The following WWC2 variants were observed in gnomAD, a reference collection of about 807,000 sequenced individuals.
WWC2 encodes the protein WW and C2 domain containing 2, also known as protein WWC2.
In WWC2, 101 loss-of-function variants were observed where a neutral mutation model predicts 138.5. That is an observed-to-expected ratio of 0.73 (90% CI 0.62 to 0.86). The LOEUF is 0.86. Among genes scored for constraint, WWC2 ranks in the 40% least tolerant of loss-of-function variants. The pLI, the probability that WWC2 is intolerant of heterozygous loss-of-function variation, is 0.00. For missense variants in WWC2, 1,420 were observed against 1,419.4 expected, an observed-to-expected ratio of 1.00 and a Z score of -0.01; for synonymous variants, 558 against 538.4, an observed-to-expected ratio of 1.04 and a Z score of -0.50.
chr4:183,193,243 A>T (rs1735040548), intron 1 of WWC2, among the ~76,000 whole-genome samples: 1 of 152,192 alleles, frequency 6.6e-6, no homozygotes, highest in Admixed American at 6.5e-5. Context: ...GATTTTCATG[A>T]TACCAGTATT....
At chr4:183,120,057 T>C (rs1238257992) in intron 1 of WWC2, among the ~76,000 whole-genome samples, 2 of 152,130 alleles carry the variant, frequency 1.3e-5, no homozygotes, top group African/African-American at 2.4e-5. Flanking sequence ...AGGGATATCC[T>C]AGCCGTAGAG....
At chr4:183,267,814 A>G (rs1330549166) in intron 14 of WWC2, among the ~76,000 whole-genome samples, 1 of 152,194 alleles carries the variant, frequency 6.6e-6, no homozygotes, top group Non-Finnish European at 1.5e-5. Context: ...ATATATAGCA[A>G]TCTTTCCTTA....
intron 1 of WWC2, among the ~76,000 whole-genome samples, chr4:183,139,959 C>A (rs1322794645): frequency 1.3e-5 from 2 of 152,132 alleles, no homozygotes; most frequent in East Asian, 1.9e-4. Context: ...ATCATAGGTG[C>A]ACACCTCGAC....
chr4:183,266,879 A>C (rs1230235204), intron 14 of WWC2, among the ~76,000 whole-genome samples: 1 of 152,334 alleles, frequency 6.6e-6, no homozygotes, highest in South Asian at 2.1e-4. Context: ...AATAGAATAA[A>C]TTAAAGAGTT....
chr4:183,211,017 A>G (rs969922554), intron 4 of WWC2, among the ~76,000 whole-genome samples: 1 of 152,244 alleles, frequency 6.6e-6, no homozygotes, highest in South Asian at 2.1e-4. Context: ...GCTTTTGCCT[A>G]CATCTCACAA....
intron 16 of WWC2, among the ~76,000 whole-genome samples, chr4:183,280,453 A>C (rs1383441429): frequency 6.6e-6 from 1 of 151,976 alleles, no homozygotes; most frequent in Non-Finnish European, 1.5e-5. Context: ...AGGCAGCCAC[A>C]GTCTGTTTAG....
intron 1 of WWC2, among the ~76,000 whole-genome samples, chr4:183,146,405 G>C (rs987940281): frequency 1.3e-5 from 2 of 152,226 alleles, no homozygotes; most frequent in African/African-American, 4.8e-5. Flanking sequence ...AGGGCCGTAG[G>C]GGGTGGATTC....
In WWC2 at chr4:183,108,473, G is replaced by T. The variant is rs551906137; in HGVS notation, c.131+8851G>T. On this transcript the variant is annotated intron_variant, in intron 1 of 22. Transcript: ENST00000403733. The stretch of plus-strand genomic sequence containing the variant: ...ATCCTCACCAATAAGGAAAGTCTGA[G>T]AAACCCTCACAGCCATGAGGAGCGT... Among the ~76,000 whole-genome samples the T allele has an allele frequency of 2.6e-5, 4 of 152,252 alleles. No individual in the cohort carries two copies. The East Asian group carries it at 7.7e-4, about 29-fold the overall frequency.
chr4:183,101,876 G>A (rs1432991442), intron 1 of WWC2, among the ~76,000 whole-genome samples: 1 of 152,154 alleles, frequency 6.6e-6, no homozygotes, highest in Admixed American at 6.5e-5. Context: ...GAATGGTCAC[G>A]ATGATTTACC....
In WWC2 at chr4:183,099,302, A is replaced by C. The variant is rs946907590; in HGVS notation, c.-190A>C. On this transcript the variant is annotated 5_prime_UTR_variant, in exon 1 of 23. Transcript: ENST00000403733. ...ACGCAGACATGGTGGACTGATCCGC[A>C]GCGGGGCCGCGAACAGCGTTTCCTG... The C allele has an allele frequency of 4.0e-5, 16 of 396,060 alleles. No individual in the cohort carries two copies. The highest frequency in any genetic ancestry group is 3.4e-4 in the African/African-American group (16 of 46,472). The allele number at this position is 396,060 out of a possible 1,614,324, so 24.5% of individuals were successfully genotyped here. A position where few individuals can be genotyped will look rare whatever the true frequency, so the allele number is the denominator to read the frequency against.
chr4:183,164,275 TA>T (rs1251035603), intron 1 of WWC2, among the ~76,000 whole-genome samples: 6 of 474 alleles, frequency 0.013, 1 homozygote, highest in Admixed American at 0.14. Context: ...CATATATATA[TA>T]TATATATATA....
At chr4:183,177,482 G>T (rs77096543) in intron 1 of WWC2, among the ~76,000 whole-genome samples, 2,067 of 152,208 alleles carry the variant, frequency 0.014, 24 homozygotes, top group Non-Finnish European at 0.022. Flanking sequence ...AGAAATCAAA[G>T]AAGGAAATTG....
At chr4:183,137,775 A>C (rs750273274) in intron 1 of WWC2, among the ~76,000 whole-genome samples, 37 of 152,222 alleles carry the variant, frequency 2.4e-4, no homozygotes, top group Non-Finnish European at 2.9e-4. Flanking sequence ...CTGGGTTTAC[A>C]GGTGTGAGCC....
At chr4:183,176,791 A>G (rs1734481671) in intron 1 of WWC2, among the ~76,000 whole-genome samples, 1 of 151,898 alleles carries the variant, frequency 6.6e-6, no homozygotes, top group Non-Finnish European at 1.5e-5. Context: ...CCTTACTCTC[A>G]CAGGGGAAGA....
chr4:183,101,149 A>G (rs72691663), intron 1 of WWC2, among the ~76,000 whole-genome samples: 4,339 of 152,346 alleles, frequency 0.028, 89 homozygotes, highest in South Asian at 0.043. Context: ...GTTTCAGGTA[A>G]TTGAAATAAC....
At chr4:183,103,873 A>G (rs1743266588) in intron 1 of WWC2, among the ~76,000 whole-genome samples, 1 of 151,276 alleles carries the variant, frequency 6.6e-6, no homozygotes. Flanking sequence ...TGACCTTGTG[A>G]TGCGCCCACC....
rs1253865004 is a variant in WWC2 at position 183,265,123 on chromosome 4, G to A, written c.2039+16G>A. 1.9e-6 allele frequency: 3 copies of A among 1,592,730 alleles called. No homozygotes were observed. The highest frequency in any genetic ancestry group is 1.3e-5 in the African/African-American group (1 of 74,084). ...TCGTGAAACAGTAAGGATTCAGCAGGGGCGCTTTTAGCTCCAGCGAATCTC... is the reference window on the plus strand; with the variant it reads ...TCGTGAAACAGTAAGGATTCAGCAGAGGCGCTTTTAGCTCCAGCGAATCTC... On this transcript the variant is annotated intron_variant, in intron 12 of 22. Coordinates refer to ENST00000403733, the MANE Select transcript of WWC2 (RefSeq NM_024949.6).
In WWC2 at chr4:183,253,921, G is replaced by A. The variant is rs777354415; in HGVS notation, c.1118G>A (p.Arg373His). The change falls in exon 9 of 23, where the codon CGC (arginine) becomes CAC (histidine). Residue 373 changes from arginine to histidine, a missense_variant. Arg to His is a conservative substitution (Grantham distance 29). Coordinates refer to ENST00000403733, the MANE Select transcript of WWC2 (RefSeq NM_024949.6). Reference protein sequence around the residue: ...PQKRTQDELERLEAERQRLEE... With the variant: ...PQKRTQDELEHLEAERQRLEE... Reference sequence around the variant, plus strand: ...AAACGTACCCAAGATGAATTAGAACGCCTAGAAGCTGAAAGGCAGCGGCTG... The same window carrying A: ...AAACGTACCCAAGATGAATTAGAACACCTAGAAGCTGAAAGGCAGCGGCTG... The A allele has an allele frequency of 1.4e-5, 23 of 1,613,672 alleles. No homozygotes were observed. The highest frequency in any genetic ancestry group is 1.3e-4 in the East Asian group (6 of 44,872).
intron 17 of WWC2, 189 bp from the exon 18 acceptor site, chr4:183,282,519 G>C (rs1022373992): frequency 3.5e-5 from 21 of 595,012 alleles, no homozygotes; most frequent in African/African-American, 2.6e-4. Flanking sequence ...TGATTTTGCT[G>C]CAGGTTACTA....
Sources: allele counts gnomAD v4.1 joint callset (sites outside exome capture counted in the v4.1 genomes callset), GRCh38; gene constraint gnomAD v4.1.1; transcripts MANE v1.5; gene names NCBI Gene and HGNC (gene_info 2026-07-23, HGNC 2026-07-21).